NEB: variants seen among roughly 807,000 people sequenced by gnomAD.
The protein encoded by NEB is nebulin.
Under a neutral mutation model 952.2 loss-of-function variants are expected in NEB, and 512 were observed. The ratio of observed to expected loss-of-function variants is 0.54; its 90% CI spans 0.50 to 0.58. NEB has a LOEUF of 0.58. Among genes scored for constraint, NEB ranks in the 20% least tolerant of loss-of-function variants. The pLI, the probability that NEB is intolerant of heterozygous loss-of-function variation, is 0.00. For synonymous variants in NEB, 2,900 were observed against 3,149.8 expected, an observed-to-expected ratio of 0.92 and a Z score of 2.66; for missense variants, 8,428 against 9,231.1, an observed-to-expected ratio of 0.91 and a Z score of 3.56.
At chr2:151,569,819 T>G (rs1259789346) in intron 109 of NEB, among the ~76,000 whole-genome samples, 1 of 152,218 alleles carries the variant, frequency 6.6e-6, no homozygotes, top group Non-Finnish European at 1.5e-5. Flanking sequence ...GCTATCTAAA[T>G]TCTATAGAAA....
intron 52 of NEB, among the ~76,000 whole-genome samples, chr2:151,653,645 C>T (rs1238601691): frequency 6.6e-6 from 1 of 152,152 alleles, no homozygotes; most frequent in East Asian, 1.9e-4. Flanking sequence ...TATCATCTGG[C>T]ACTTTGAATT....
At chr2:151,628,686 C>T (rs571046551) in intron 68 of NEB, among the ~76,000 whole-genome samples, 1 of 151,778 alleles carries the variant, frequency 6.6e-6, no homozygotes, top group South Asian at 2.1e-4. Flanking sequence ...ACTAAAAATA[C>T]AAAAAATACT....
In NEB at chr2:151,697,166, T is replaced by C. The variant is rs2099602673; in HGVS notation, c.1452A>G (p.Lys484=). The C allele has an allele frequency of 1.9e-6, 3 of 1,613,194 alleles. No individual in the cohort carries two copies. Among genetic ancestry groups the C allele is most frequent in the Admixed American group, 1.7e-5 (1 of 59,990 alleles). Reference sequence around the variant, plus strand: ...GACTTACGTCTTTACACTGATCTAGTTTCTTAATTGCTTCATATTCTTGAG... The same window carrying C: ...GACTTACGTCTTTACACTGATCTAGCTTCTTAATTGCTTCATATTCTTGAG... ...TITQEYEAIK[K]LDQCKDHTYK... The change falls in exon 16 of 182, where the codon AAA becomes AAG. Residue 484 remains lysine, a synonymous_variant. Transcript: ENST00000397345.
intron 17 of NEB, 125 bp downstream of exon 17, chr2:151,696,512 T>C: frequency 3.0e-6 from 2 of 677,262 alleles, no homozygotes; most frequent in South Asian, 2.1e-5. Context: ...AAATGTATAC[T>C]GTTTAAACTT....
At position 151,549,775 on chromosome 2, in the gene NEB, C is replaced by T. The variant is rs6718654; in HGVS notation, c.19945-35G>A. On this transcript the variant is annotated intron_variant, in intron 129 of 181. Coordinates refer to ENST00000397345, the MANE Select transcript of NEB (RefSeq NM_001164508.2). Reference sequence around the variant, plus strand: ...TGAGGAAGAGCAGGTTAAATGACATCGGGCATCAAGTAACTGATCTGAGCT... The same window carrying T: ...TGAGGAAGAGCAGGTTAAATGACATTGGGCATCAAGTAACTGATCTGAGCT... The T allele has an allele frequency of 1.7e-5, 22 of 1,306,252 alleles. No homozygotes were observed. The Admixed American group carries it at 2.4e-4, about 14-fold the overall frequency. The allele number at this position is 1,306,252 out of a possible 1,614,324, so 80.9% of individuals were successfully genotyped here.
In NEB at chr2:151,562,213, T is replaced by A. The variant is rs781054657; in HGVS notation, c.18893A>T (p.Asn6298Ile). 4 of 1,604,838 alleles carry A rather than the reference T, an allele frequency of 2.5e-6. No homozygotes were observed. The Admixed American group carries it at 6.7e-5, about 27-fold the overall frequency. ...CCAATTCAGGTCATCTTTATACACA[T>A]TCTGCAAGAAAGAGAGAACAATGAA... ...VRNAQEILSD[N>I]VYKDDLNWLK... The change falls in exon 121 of 182, where the codon AAT becomes ATT. Residue 6298 changes from asparagine (N) to isoleucine (I), a missense_variant and splice_region_variant. This residue lies in a region of NEB where 3,374 missense variants were observed against 3,651.5 expected (regional missense o/e 0.92). Transcript: ENST00000397345.
chr2:151,561,096 C>T lies in NEB; in HGVS notation c.19114G>A (p.Glu6372Lys). Residue 6372 changes from glutamate (E) to lysine (K), a missense_variant, in exon 123 of 182, where the codon GAA (glutamate) becomes AAA (lysine). Coordinates refer to ENST00000397345, the MANE Select transcript of NEB (RefSeq NM_001164508.2). ...GINASEVKYK[E>K]NYHQIKDKYT... Reference sequence around the variant, plus strand: ...TTGTCCTTAATCTGATGATAATTTTCTTTATATTTTACCTGTAGACAAGCA... The same window carrying T: ...TTGTCCTTAATCTGATGATAATTTTTTTTATATTTTACCTGTAGACAAGCA... 1 of 1,589,370 alleles carries T rather than the reference C, an allele frequency of 6.3e-7. No individual in the cohort carries two copies. The highest frequency in any genetic ancestry group is 1.7e-5 in the Admixed American group (1 of 57,670).
intron 176 of NEB, 99 bp from the exon 177 acceptor site, chr2:151,492,593 C>T (rs2057445623): frequency 1.2e-6 from 1 of 812,696 alleles, no homozygotes; most frequent in East Asian, 2.6e-5. Context: ...GTGAGGGACG[C>T]TTGGGTCAAC....
At position 151,677,375 on chromosome 2, in the gene NEB, G is replaced by A. The variant is rs1408898299; in HGVS notation, c.3774+190C>T. On this transcript the variant is annotated intron_variant, in intron 34 of 181. Transcript: ENST00000397345. Reference sequence around the variant, plus strand: ...AAAAGGAAAAGTTTTTAAAAAGGAAGATAAAAAGCAAGAGAGAAGAAAATG... The same window carrying A: ...AAAAGGAAAAGTTTTTAAAAAGGAAAATAAAAAGCAAGAGAGAAGAAAATG... Among the ~76,000 whole-genome samples the A allele has an allele frequency of 2.0e-5, 3 of 151,890 alleles. No homozygotes were observed. In the East Asian group the frequency reaches 5.8e-4, roughly 29 times the overall value.
Position 151,541,465 on chromosome 2 carries a change from C to T in NEB, c.20664G>A (p.Gly6888=). The T allele has an allele frequency of 6.2e-7, 1 of 1,612,450 alleles. No homozygotes were observed. Among genetic ancestry groups the T allele is most frequent in the Non-Finnish European group, 8.5e-7 (1 of 1,179,124 alleles). Residue 6888 remains glycine (G), a synonymous_variant, in exon 136 of 182, where the codon GGG becomes GGA. Transcript: ENST00000397345. ...AGCTTACCTGACTCTGAAGCTTCTG[C>T]CCTCGCTTGGCTCTTAAAAGATCAG... is the stretch of plus-strand genomic sequence containing the variant. ...DTPDLLRAKR[G]QKLQSQYLYV... is the part of the protein sequence containing the mutation.
chr2:151,551,615 C>A, intron 129 of NEB, 123 bp downstream of exon 129: 1 of 734,266 alleles, frequency 1.4e-6, no homozygotes, highest in Non-Finnish European at 2.3e-6. Context: ...TTTGTTTTTT[C>A]ACCTCATGTG....
intron 36 of NEB, 52 bp from the exon 37 acceptor site, chr2:151,672,732 G>T: frequency 1.4e-6 from 2 of 1,437,256 alleles, no homozygotes; most frequent in Non-Finnish European, 9.5e-7. Flanking sequence ...TAGCATTAGC[G>T]CTGCAATTAC....
chr2:151,732,821 G>C (rs2151132552), intron 3 of NEB, among the ~76,000 whole-genome samples: 2 of 152,238 alleles, frequency 1.3e-5, no homozygotes, highest in South Asian at 4.1e-4. Context: ...CATCGGGGTT[G>C]GGAAGTGGGG....
At position 151,618,333 on chromosome 2, in the gene NEB, C is replaced by G. The variant is rs746072690; in HGVS notation, c.11018G>C (p.Ser3673Thr). Residue 3673 changes from serine (S) to threonine (T), a missense_variant, in exon 74 of 182, where the codon AGT (serine) becomes ACT (threonine). Ser to Thr is a moderately conservative substitution (Grantham distance 58, BLOSUM62 1). Transcript: ENST00000397345. Reference protein sequence around the residue: ...RQRPETLKFTSITDTPEQVLA... With the variant: ...RQRPETLKFTTITDTPEQVLA... ...CACCTGCTCCGGAGTGTCCGTTATACTGGTAAATTTCAGCGTTTCTGGACG... is the reference window on the plus strand; with the variant it reads ...CACCTGCTCCGGAGTGTCCGTTATAGTGGTAAATTTCAGCGTTTCTGGACG... 1.2e-6 allele frequency: 2 copies of G among 1,613,866 alleles called. No homozygotes were observed. Among genetic ancestry groups the G allele is most frequent in the African/African-American group, 2.7e-5 (2 of 74,922 alleles).
Position 151,524,413 on chromosome 2 carries a change from C to T in NEB, c.22377G>A (p.Val7459=), listed in dbSNP as rs1314532467. 1 of 1,613,952 alleles carries T rather than the reference C, an allele frequency of 6.2e-7. No homozygotes were observed. The highest frequency in any genetic ancestry group is 8.5e-7 in the Non-Finnish European group (1 of 1,179,862). The change falls in exon 153 of 182, where the codon GTG becomes GTA. Residue 7459 remains valine, a splice_region_variant and synonymous_variant. Coordinates refer to ENST00000397345, the MANE Select transcript of NEB (RefSeq NM_001164508.2). ...ATQAAKQASE[V]EYRAKHRKEG... Reference sequence around the variant, plus strand: ...CCTTGCGGTGCTTGGCTCTGTACTCCACCTGAATCAGAGAAAACCAAAATG... The same window carrying T: ...CCTTGCGGTGCTTGGCTCTGTACTCTACCTGAATCAGAGAAAACCAAAATG...
rs772591466 is a variant in NEB at position 151,724,347 on chromosome 2, G to T, written c.525C>A (p.Asn175Lys). Residue 175 changes from asparagine to lysine, a missense_variant, in exon 8 of 182, where the codon AAC (asparagine) becomes AAA (lysine). By Grantham distance (94) the Asn-to-Lys change is moderately conservative. This residue lies in a region of NEB where 2,851 missense variants were observed against 2,791.5 expected (regional missense o/e 1.02). Transcript: ENST00000397345. ...QQVSKVLYKQ[N>K]WEDTKDKYLL... ...GGTACTTATCCTTGGTGTCTTCCCA[G>T]TTCTGCTTGTATAAAACCTAGACAG... 6.2e-7 allele frequency: 1 copy of T among 1,611,398 alleles called. No individual in the cohort carries two copies. Among genetic ancestry groups the T allele is most frequent in the East Asian group, 2.2e-5 (1 of 44,828 alleles).
chr2:151,494,263 T>G lies in NEB; in HGVS notation c.24487-10A>C. On this transcript the variant is annotated splice_polypyrimidine_tract_variant and intron_variant, in intron 173 of 181. Transcript: ENST00000397345. ...TTTCTTTGTACAAAACCTATGGGAA[T>G]CCAATGGGTCCAAAAAGCCAAAAAG... is the stretch of plus-strand genomic sequence containing the variant. 6.4e-7 allele frequency: 1 copy of G among 1,556,418 alleles called. No homozygotes were observed. The highest frequency in any genetic ancestry group is 1.2e-5 in the South Asian group (1 of 85,762).
chr2:151,561,058 A>G lies in NEB; in HGVS notation c.19152T>C (p.Val6384=). The change falls in exon 123 of 182, where the codon GTT becomes GTC. Residue 6384 remains valine (V), a synonymous_variant. Transcript: ENST00000397345. Reference sequence around the variant, plus strand: ...TTCTGTCATAATCCACTGTTTCTAGAACTGTTGTGTATTTGTCCTTAATCT... The same window carrying G: ...TTCTGTCATAATCCACTGTTTCTAGGACTGTTGTGTATTTGTCCTTAATCT... The part of the protein sequence containing the change: ...YHQIKDKYTT[V]LETVDYDRTR... 1.2e-6 allele frequency: 2 copies of G among 1,609,034 alleles called. No individual in the cohort carries two copies. Among genetic ancestry groups the G allele is most frequent in the Non-Finnish European group, 1.7e-6 (2 of 1,176,982 alleles).
At chr2:151,530,882 C>G in intron 145 of NEB, 112 bp downstream of exon 145, 1 of 669,946 alleles carries the variant, frequency 1.5e-6, no homozygotes, top group Non-Finnish European at 2.6e-6. Context: ...TTTTAAGCCA[C>G]TAAGTTTTAG....
Sources: allele counts gnomAD v4.1 joint callset (sites outside exome capture counted in the v4.1 genomes callset), GRCh38; gene constraint gnomAD v4.1.1; regional missense constraint gnomAD v4.1.1; transcripts MANE v1.5; gene names NCBI Gene and HGNC (gene_info 2026-07-23, HGNC 2026-07-21).